The following GRM5 variants were observed in gnomAD, a reference collection of about 807,000 sequenced individuals.
GRM5 encodes glutamate metabotropic receptor 5, also known as metabotropic glutamate receptor 5.
GRM5 carries 19 observed loss-of-function variants against 83.1 expected under a neutral mutation model. The observed-to-expected ratio is 0.23, with a 90% CI of 0.16 to 0.34. The LOEUF (loss-of-function observed/expected upper bound fraction) is 0.34, where lower values mean the gene tolerates loss of function less well. Among genes scored for constraint, GRM5 ranks in the 10% least tolerant of loss-of-function variants. GRM5 has a pLI of 1.00. For missense variants in GRM5, 1,160 were observed against 1,588.3 expected (o/e 0.73, Z 4.58); for synonymous variants, 675 against 633.6 (o/e 1.07, Z -0.98).
chr11:88,718,672 C>T (rs1278627885), intron 3 of GRM5, among the ~76,000 whole-genome samples: 6 of 151,968 alleles, frequency 3.9e-5, no homozygotes. Context: ...CTCATAGGCT[C>T]AGTTCACTTC....
chr11:88,773,108 C>G (rs1466319307), intron 3 of GRM5, among the ~76,000 whole-genome samples: 1 of 151,950 alleles, frequency 6.6e-6, no homozygotes, highest in African/African-American at 2.4e-5. Flanking sequence ...CTCTCCAGCA[C>G]CTGTTGTTTC....
chr11:88,636,028 T>C (rs1034798677), intron 4 of GRM5, among the ~76,000 whole-genome samples: 1 of 152,206 alleles, frequency 6.6e-6, no homozygotes, highest in African/African-American at 2.4e-5. Flanking sequence ...ATAAACTCAC[T>C]AGAACTTAGT....
intron 2 of GRM5, among the ~76,000 whole-genome samples, chr11:88,855,518 A>C (rs182004117): frequency 2.0e-5 from 3 of 152,058 alleles, no homozygotes; most frequent in Admixed American, 2.0e-4. Flanking sequence ...TAATTGCTAA[A>C]AAAGTTTATA....
chr11:88,559,034 C>T (rs1025325687), intron 8 of GRM5, among the ~76,000 whole-genome samples: 11 of 150,674 alleles, frequency 7.3e-5, no homozygotes, highest in African/African-American at 2.7e-4. Flanking sequence ...TAAGTCTTCT[C>T]AATTCCTGTA....
At chr11:88,634,817 T>C (rs183658039) in intron 4 of GRM5, among the ~76,000 whole-genome samples, 3 of 152,336 alleles carry the variant, frequency 2.0e-5, no homozygotes, top group African/African-American at 7.2e-5. Context: ...TTTCATGCAA[T>C]TGGCAGTGCA....
At chr11:88,666,722 A>T (rs1940054654) in intron 3 of GRM5, among the ~76,000 whole-genome samples, 1 of 149,726 alleles carries the variant, frequency 6.7e-6, no homozygotes, top group African/African-American at 2.5e-5. Flanking sequence ...CAAAAATGGA[A>T]ACTGCTTCAG....
intron 3 of GRM5, among the ~76,000 whole-genome samples, chr11:88,789,514 C>T (rs1279550233): frequency 6.6e-6 from 1 of 152,046 alleles, no homozygotes; most frequent in African/African-American, 2.4e-5. Context: ...TTCAAGTACA[C>T]TGTATTTAGC....
rs1031408874 is a variant in GRM5, at chr11:88,504,662, G to A, written c.*3930C>T. ...CATGATTTAGACAACTGAGAAACAG[G>A]CAAGTATATTTTGAAGTGCTAAAAT... On this transcript the variant is annotated 3_prime_UTR_variant, in exon 10 of 10. Transcript: ENST00000305447. The A allele has an allele frequency of 6.6e-6, 1 of 151,794 alleles. No individual in the cohort carries two copies. The highest frequency in any genetic ancestry group is 1.5e-5 in the Non-Finnish European group (1 of 67,900). 9.4% of individuals were successfully genotyped at this position (151,794 alleles called of 1,614,324 possible).
intron 6 of GRM5, among the ~76,000 whole-genome samples, chr11:88,593,218 C>T (rs1487632279): frequency 6.6e-6 from 1 of 152,062 alleles, no homozygotes; most frequent in Non-Finnish European, 1.5e-5. Flanking sequence ...CTGGAAAATG[C>T]CATGAGATGT....
In GRM5 at chr11:88,509,208, T is replaced by C; in HGVS notation, c.3023A>G (p.Glu1008Gly). Residue 1008 changes from glutamate (E) to glycine (G), a missense_variant, in exon 10 of 10, where the codon GAG (glutamate) becomes GGG (glycine). Physicochemically the swap from Glu to Gly is moderately conservative, Grantham distance 98 (BLOSUM62 -2). Around this residue, in one of 9 missense-constraint regions of GRM5, gnomAD observed 562 missense variants for 532.4 expected, o/e 1.06. Coordinates refer to ENST00000305447, the MANE Select transcript of GRM5 (RefSeq NM_001143831.3). ...CGGCCGCGCGGGCGCCGGGAAGTGC[T>C]CCTCAGCCTCGGCCACATCATACAG... ...KALYDVAEAE[E>G]HFPAPARPRS... The C allele has an allele frequency of 1.3e-6, 2 of 1,533,944 alleles. No individual in the cohort carries two copies. The highest frequency in any genetic ancestry group is 1.2e-5 in the South Asian group (1 of 82,962).
At chr11:88,776,328 T>G (rs944570400) in intron 3 of GRM5, among the ~76,000 whole-genome samples, 1 of 152,194 alleles carries the variant, frequency 6.6e-6, no homozygotes, top group African/African-American at 2.4e-5. Flanking sequence ...TGAGCCTGTG[T>G]GTGTCTTTGC....
intron 4 of GRM5, among the ~76,000 whole-genome samples, chr11:88,624,812 T>C (rs913497056): frequency 6.6e-6 from 1 of 152,220 alleles, no homozygotes; most frequent in African/African-American, 2.4e-5. Context: ...TGTTCAATAA[T>C]ACCTATTCAG....
chr11:88,724,260 C>T (rs1941620867), intron 3 of GRM5, among the ~76,000 whole-genome samples: 1 of 152,160 alleles, frequency 6.6e-6, no homozygotes, highest in South Asian at 2.1e-4. Flanking sequence ...TATCTTCTTT[C>T]CTACCCAATC....
At chr11:88,569,588 T>C (rs978953178) in intron 7 of GRM5, among the ~76,000 whole-genome samples, 3 of 152,232 alleles carry the variant, frequency 2.0e-5, no homozygotes, top group Admixed American at 2.0e-4. Context: ...TTCTTTACTT[T>C]CTTCTTCTGC....
chr11:88,722,533 G>T (rs1941570433), intron 3 of GRM5, among the ~76,000 whole-genome samples: 1 of 152,078 alleles, frequency 6.6e-6, no homozygotes, highest in African/African-American at 2.4e-5. Flanking sequence ...CTACTTCCTA[G>T]ATCTCTCAGA....
chr11:88,985,759 C>T (rs1939685932), intron 2 of GRM5, among the ~76,000 whole-genome samples: 1 of 152,060 alleles, frequency 6.6e-6, no homozygotes, highest in South Asian at 2.1e-4. Context: ...TGTATGGATG[C>T]TTGCAGATGC....
chr11:88,844,535 G>A (rs1163925501), intron 3 of GRM5, among the ~76,000 whole-genome samples: 1 of 151,976 alleles, frequency 6.6e-6, no homozygotes, highest in African/African-American at 2.4e-5. Context: ...TTCAGCCTAT[G>A]AATCAACAAG....
At chr11:88,953,155 G>T (rs552750140) in intron 2 of GRM5, among the ~76,000 whole-genome samples, 2 of 152,258 alleles carry the variant, frequency 1.3e-5, no homozygotes, top group African/African-American at 4.8e-5. Context: ...ACAGTACCTT[G>T]CAATTTGTAA....
intron 2 of GRM5, among the ~76,000 whole-genome samples, chr11:88,888,941 C>T (rs1480922050): frequency 6.6e-6 from 1 of 152,136 alleles, no homozygotes; most frequent in Non-Finnish European, 1.5e-5. Flanking sequence ...GGGAACATGA[C>T]CTGTAACCAT....
Sources: allele counts gnomAD v4.1 joint callset (sites outside exome capture counted in the v4.1 genomes callset), GRCh38; gene constraint gnomAD v4.1.1; regional missense constraint gnomAD v4.1.1; transcripts MANE v1.5; gene names NCBI Gene and HGNC (gene_info 2026-07-23, HGNC 2026-07-21).